The following PRKCZ variants were observed in gnomAD, a reference collection of about 807,000 sequenced individuals.
The protein encoded by PRKCZ is protein kinase C zeta, also known as protein kinase C zeta type.
Under a neutral mutation model 79.5 loss-of-function variants are expected in PRKCZ, and 33 were observed. The ratio of observed to expected loss-of-function variants is 0.41; its 90% confidence interval spans 0.31 to 0.55. The LOEUF (loss-of-function observed/expected upper bound fraction) is 0.55, where lower values mean the gene tolerates loss of function less well. PRKCZ is among the 20% of genes least tolerant of loss of function. PRKCZ has a pLI of 0.19. For synonymous variants in PRKCZ, 342 were observed against 320.9 expected (o/e 1.07, Z -0.70); for missense variants, 578 against 813.5 (o/e 0.71, Z 3.52).
rs565316274 is a variant in PRKCZ at position 2,173,828 on chromosome 1, G to A, written c.1286-69G>A. 3.4e-5 allele frequency: 52 copies of A among 1,508,248 alleles called. No individual in the cohort carries two copies. The highest frequency in any genetic ancestry group is 1.1e-4 in the African/African-American group (8 of 71,082). 93.4% of individuals were successfully genotyped at this position (1,508,248 alleles called of 1,614,324 possible). The stretch of plus-strand genomic sequence containing the variant: ...GTGTCAACTGGGCATGAAAACCAAC[G>A]CCAGCCAGGTTCGTCCTGCTGCCGG... On this transcript the variant is annotated intron_variant, in intron 13 of 17. Coordinates refer to ENST00000378567, the MANE Select transcript of PRKCZ (RefSeq NM_002744.6). This position sits in a 1 kb window ranked among gnomAD's most constrained non-coding sequence, Gnocchi z 5.7.
At chr1:2,066,650 A>G (rs1661148192) in intron 4 of PRKCZ, among the ~76,000 whole-genome samples, 1 of 152,100 alleles carries the variant, frequency 6.6e-6, no homozygotes. Flanking sequence ...CCCTGCTCTC[A>G]TCTTTATTAT....
chr1:2,114,089 C>T (rs955222418), intron 4 of PRKCZ, among the ~76,000 whole-genome samples: 3 of 152,092 alleles, frequency 2.0e-5, no homozygotes, highest in African/African-American at 7.2e-5. Flanking sequence ...TTTGTGGAAG[C>T]GTTCGGAATG....
intron 6 of PRKCZ, chr1:2,145,638 G>A (rs1678342545): frequency 4.6e-6 from 1 of 219,762 alleles, no homozygotes; most frequent in African/African-American, 2.3e-5. Flanking sequence ...AAGTGGCCAG[G>A]TGCAGAGGCT....
chr1:2,080,832 A>C (rs949115664), intron 4 of PRKCZ, among the ~76,000 whole-genome samples: 1 of 151,950 alleles, frequency 6.6e-6, no homozygotes, highest in Non-Finnish European at 1.5e-5. Context: ...GACTTGCCTC[A>C]TTTTCAACGA....
intron 11 of PRKCZ, among the ~76,000 whole-genome samples, 186 bp downstream of exon 11, chr1:2,169,790 A>G (rs1321389382): frequency 9.9e-5 from 1 of 10,150 alleles, no homozygotes; most frequent in Non-Finnish European, 1.9e-4. Context: ...AGGGGGTATG[A>G]CGGGGGCGGG....
At chr1:2,166,542 AG>A (rs1237946765) in intron 10 of PRKCZ, among the ~76,000 whole-genome samples, 1 of 152,148 alleles carries the variant, frequency 6.6e-6, no homozygotes, top group Non-Finnish European at 1.5e-5. Context: ...GGGAGCAGGG[AG>A]GGGCATCCCC....
rs1686009249 is a variant in PRKCZ at position 2,178,958 on chromosome 1, T to C, written c.1575+3645T>C. Among the ~76,000 whole-genome samples the C allele has an allele frequency of 2.0e-5, 3 of 152,208 alleles. No homozygotes were observed. On this transcript the variant is annotated intron_variant, in intron 16 of 17. Transcript: ENST00000378567. This position sits in a 1 kb window ranked among gnomAD's most constrained non-coding sequence, Gnocchi z 4.3. ...CGCCCCCTCCTTGCCTATCCCCAGC[T>C]GAACCAGCACCACTCAGGCAGTCGC...
intron 4 of PRKCZ, among the ~76,000 whole-genome samples, chr1:2,063,400 T>TCTC (rs1553130389): frequency 1.3e-5 from 2 of 151,742 alleles, no homozygotes; most frequent in African/African-American, 2.4e-5. Flanking sequence ...GCAGCCTCCA[T>TCTC]CTCCTGGGCT....
At chr1:2,056,902 G>T (rs1383748098) in intron 3 of PRKCZ, among the ~76,000 whole-genome samples, 2 of 151,874 alleles carry the variant, frequency 1.3e-5, no homozygotes, top group Admixed American at 1.3e-4. Context: ...CTAATTTTTT[G>T]TATTTTTTGT....
intron 10 of PRKCZ, among the ~76,000 whole-genome samples, chr1:2,157,728 T>TA (rs982451069): frequency 6.6e-6 from 1 of 151,446 alleles, no homozygotes; most frequent in African/African-American, 2.4e-5. Flanking sequence ...TTTTTTTTTT[T>TA]TTTAAATAAA....
chr1:2,069,470 G>A (rs1661389642), intron 4 of PRKCZ, among the ~76,000 whole-genome samples: 1 of 152,226 alleles, frequency 6.6e-6, no homozygotes, highest in African/African-American at 2.4e-5. Flanking sequence ...GTTTAGTGGT[G>A]CCTTTTCTTT....
intron 4 of PRKCZ, among the ~76,000 whole-genome samples, chr1:2,114,372 TAGA>T (rs1414591009): frequency 6.6e-6 from 1 of 152,248 alleles, no homozygotes; most frequent in Non-Finnish European, 1.5e-5. Context: ...CATTAATTCT[TAGA>T]AGAGGTTTTA....
intron 4 of PRKCZ, among the ~76,000 whole-genome samples, chr1:2,121,680 A>G (rs1308982405): frequency 7.9e-6 from 1 of 126,816 alleles, no homozygotes; most frequent in African/African-American, 3.2e-5. Context: ...GGTGGTGGTT[A>G]GGGTCACGGT....
chr1:2,153,620 C>G (rs1387264520), intron 9 of PRKCZ, among the ~76,000 whole-genome samples: 1 of 152,236 alleles, frequency 6.6e-6, no homozygotes, highest in Non-Finnish European at 1.5e-5. Flanking sequence ...TGCTGACAGC[C>G]CCGCTGCTGG....
intron 4 of PRKCZ, among the ~76,000 whole-genome samples, chr1:2,081,715 G>A (rs962639956): frequency 4.0e-4 from 61 of 152,298 alleles, no homozygotes; most frequent in African/African-American, 1.4e-3. Context: ...TGGCAGTGCC[G>A]TAGGGTCAGC....
intron 5 of PRKCZ, among the ~76,000 whole-genome samples, chr1:2,137,420 C>T (rs1676435796): frequency 6.6e-6 from 1 of 152,198 alleles, no homozygotes; most frequent in South Asian, 2.1e-4. Context: ...CAATACTTCA[C>T]CAGTTCTCTA....
chr1:2,054,956 T>C (rs1660020759), intron 1 of PRKCZ, among the ~76,000 whole-genome samples: 1 of 151,626 alleles, frequency 6.6e-6, no homozygotes, highest in Non-Finnish European at 1.5e-5. Context: ...TTTTTTTTTT[T>C]TTTTAATACG....
At chr1:2,074,050 C>T (rs1321282053) in intron 4 of PRKCZ, 39 of 1,446,418 alleles carry the variant, frequency 2.7e-5, no homozygotes, top group African/African-American at 8.5e-5. Flanking sequence ...TGAGTCCCGG[C>T]GTTGCCGCTG....
In PRKCZ at chr1:2,181,736, C is replaced by T. The variant is rs529261829; in HGVS notation, c.1576-2847C>T. The T allele has an allele frequency of 3.9e-4, 174 of 448,774 alleles. 1 individual carries two copies. The highest frequency in any genetic ancestry group is 2.7e-3 in the South Asian group (174 of 63,720). 27.8% of individuals were successfully genotyped at this position (448,774 alleles called of 1,614,324 possible). On this transcript the variant is annotated intron_variant, in intron 16 of 17. Coordinates refer to ENST00000378567, the MANE Select transcript of PRKCZ (RefSeq NM_002744.6). The stretch of plus-strand genomic sequence containing the variant: ...GCTCCAGCTGGGTCCTGCTCTGTTC[C>T]CACCCCTGCTGCTTATTAAACCCTT...
Sources: gnomAD v4.1 joint callset for allele counts (sites outside exome capture counted in the v4.1 genomes callset) on GRCh38, gnomAD v4.1.1 for gene constraint, Gnocchi (gnomAD v3.1) non-coding constraint, MANE v1.5 for transcripts, NCBI Gene and HGNC (gene_info 2026-07-23, HGNC 2026-07-21) for gene names.